The following CAGE1 variants were observed in gnomAD, a reference collection of about 807,000 sequenced individuals.
CAGE1 encodes the protein cancer antigen 1, also known as cancer-associated gene 1 protein.
Under a neutral mutation model 94.9 loss-of-function variants are expected in CAGE1, and 66 were observed. The observed-to-expected ratio is 0.70, with a 90% CI of 0.57 to 0.85. The LOEUF is 0.85. Among genes scored for constraint, CAGE1 ranks in the 40% least tolerant of loss-of-function variants. CAGE1 has a pLI of 0.00. For missense variants in CAGE1, 865 were observed against 950.4 expected, an observed-to-expected ratio of 0.91 and a Z score of 1.18; for synonymous variants, 319 against 321.0, an observed-to-expected ratio of 0.99 and a Z score of 0.07.
intron 11 of CAGE1, among the ~76,000 whole-genome samples, chr6:7,350,704 T>G (rs1450576478): frequency 6.6e-6 from 1 of 152,138 alleles, no homozygotes; most frequent in Non-Finnish European, 1.5e-5. Context: ...AAAAATCCTT[T>G]GAACTCAACT....
rs1164157758 is a variant in CAGE1 at position 7,389,341 on chromosome 6, A to G, written c.-163T>C. On this transcript the variant is annotated 5_prime_UTR_variant, in exon 1 of 14. Coordinates refer to ENST00000502583, the MANE Select transcript of CAGE1 (RefSeq NM_001170692.2). ...CGGACCTGGCTCTCCCTCCCTCTGCACCGGGTTTTGTGGGAGGGAGAACGC... is the reference window on the plus strand; with the variant it reads ...CGGACCTGGCTCTCCCTCCCTCTGCGCCGGGTTTTGTGGGAGGGAGAACGC... 2.2e-6 allele frequency: 1 copy of G among 456,102 alleles called. No homozygotes were observed. Among genetic ancestry groups the G allele is most frequent in the Non-Finnish European group, 4.4e-6 (1 of 226,904 alleles). 28.3% of individuals were successfully genotyped at this position (456,102 alleles called of 1,614,324 possible).
intron 7 of CAGE1, among the ~76,000 whole-genome samples, chr6:7,367,473 C>A (rs994729680): frequency 9.2e-5 from 14 of 151,974 alleles, no homozygotes; most frequent in Non-Finnish European, 2.1e-4. Flanking sequence ...CGGAGTTTCC[C>A]CATGTTTCCC....
At chr6:7,387,801 C>T (rs1254320015) in intron 1 of CAGE1, among the ~76,000 whole-genome samples, 1 of 148,030 alleles carries the variant, frequency 6.8e-6, no homozygotes, top group Non-Finnish European at 1.5e-5. Flanking sequence ...GGGCGGATCA[C>T]GAGGTCAGGA....
At chr6:7,348,684 G>A (rs556982237) in intron 11 of CAGE1, among the ~76,000 whole-genome samples, 9 of 151,836 alleles carry the variant, frequency 5.9e-5, no homozygotes, top group Non-Finnish European at 1.3e-4. Flanking sequence ...AGAAGTGAAG[G>A]GAGAAATATT....
In CAGE1 at chr6:7,373,714, A is replaced by T; in HGVS notation, c.1105T>A (p.Tyr369Asn). 1 of 1,612,586 alleles carries T rather than the reference A, an allele frequency of 6.2e-7. No individual in the cohort carries two copies. The highest frequency in any genetic ancestry group is 8.5e-7 in the Non-Finnish European group (1 of 1,179,002). Residue 369 changes from tyrosine to asparagine, a missense_variant, in exon 5 of 14, where the codon TAC becomes AAC. Coordinates refer to ENST00000502583, the MANE Select transcript of CAGE1 (RefSeq NM_001170692.2). ...ENVEELIEDKYKIILEKNDTK... is the reference protein window; with the variant it reads ...ENVEELIEDKNKIILEKNDTK... ...TCATTCTTCTCTAGGATTATTTTGT[A>T]TTTGTCTTCAATTAATTCTTCAACA...
intron 11 of CAGE1, among the ~76,000 whole-genome samples, chr6:7,353,534 C>G (rs1759852836): frequency 6.6e-6 from 1 of 152,002 alleles, no homozygotes; most frequent in African/African-American, 2.4e-5. Flanking sequence ...ATCCAGCAAC[C>G]CCAATACTGG....
Position 7,339,240 on chromosome 6 carries a change from A to C in CAGE1, c.2370-5150T>G, listed in dbSNP as rs779970015. Reference sequence around the variant, plus strand: ...GGCCCTCCGCACAGCAAGCCCTCCTAGGAGTTTGTAAGGCAGAGACTCTGC... The same window carrying C: ...GGCCCTCCGCACAGCAAGCCCTCCTCGGAGTTTGTAAGGCAGAGACTCTGC... On this transcript the variant is annotated intron_variant, in intron 11 of 13. Coordinates refer to ENST00000502583, the MANE Select transcript of CAGE1 (RefSeq NM_001170692.2). The surrounding 1 kb of genome is among the most constrained non-coding windows in gnomAD (Gnocchi z 4.7). The C allele has an allele frequency of 5.4e-5, 86 of 1,579,176 alleles. No homozygotes were observed. Among genetic ancestry groups the C allele is most frequent in the Non-Finnish European group, 7.0e-5 (81 of 1,149,744 alleles).
intron 11 of CAGE1, chr6:7,341,910 GATGTCCTCA>G (rs1434661490): frequency 1.3e-5 from 9 of 701,014 alleles, no homozygotes; most frequent in Non-Finnish European, 2.4e-5. Flanking sequence ...ACTGCAGCAA[GATGTCCTCA>G]ATGCCGTTCG....
Position 7,339,574 on chromosome 6 carries a change from C to T in CAGE1, c.2370-5484G>A, listed in dbSNP as rs1159264490. 3 of 753,052 alleles carry T rather than the reference C, an allele frequency of 4.0e-6. No homozygotes were observed. The highest frequency in any genetic ancestry group is 1.8e-5 in the Admixed American group (1 of 56,258). 46.6% of individuals were successfully genotyped at this position (753,052 alleles called of 1,614,324 possible). ...TTGGAAATTTGTAAGGCGATCTTGC[C>T]GCCATGCTCCGCTGAAAGGAAAGGC... On this transcript the variant is annotated intron_variant, in intron 11 of 13. Coordinates refer to ENST00000502583, the MANE Select transcript of CAGE1 (RefSeq NM_001170692.2). The surrounding 1 kb of genome is among the most constrained non-coding windows in gnomAD (Gnocchi z 4.7).
In CAGE1 at chr6:7,386,861, T is replaced by C. The variant is rs77921089; in HGVS notation, c.195+118A>G. 3,922 of 736,244 alleles carry C rather than the reference T, an allele frequency of 5.3e-3. 115 individuals carry two copies. In the African/African-American group the frequency reaches 0.056, roughly 11 times the overall value. 45.6% of individuals were successfully genotyped at this position (736,244 alleles called of 1,614,324 possible). On this transcript the variant is annotated intron_variant, in intron 2 of 13. Transcript: ENST00000502583. ...AACCAGACCCTGTATTCCCCTCCTT[T>C]ATGTGTCCACCGAATATTGTTTTAT...
chr6:7,345,129 ATAT>A (rs1561851633), intron 11 of CAGE1, among the ~76,000 whole-genome samples: 2 of 44,708 alleles, frequency 4.5e-5, no homozygotes, highest in Non-Finnish European at 8.7e-5. Flanking sequence ...CTTTAGATCC[ATAT>A]TGCTTTTAGG....
chr6:7,345,812 C>T (rs1759491589), intron 11 of CAGE1, among the ~76,000 whole-genome samples: 1 of 152,096 alleles, frequency 6.6e-6, no homozygotes. Context: ...ATAGTCCCAG[C>T]TACTTGGGAG....
At chr6:7,336,257 A>C (rs2113353402) in intron 11 of CAGE1, among the ~76,000 whole-genome samples, 1 of 152,378 alleles carries the variant, frequency 6.6e-6, no homozygotes, top group East Asian at 1.9e-4. Context: ...CAAGGAAAGA[A>C]AGTGAAAAGT....
chr6:7,345,235 A>AT (rs1377053053), intron 11 of CAGE1, among the ~76,000 whole-genome samples: 104 of 148,912 alleles, frequency 7.0e-4, no homozygotes, highest in African/African-American at 2.6e-3. Context: ...CCAGCCTACC[A>AT]AGAAGAAGGA....
At position 7,389,683 on chromosome 6, in the gene CAGE1, C is replaced by G. The variant is rs1761270069; in HGVS notation, c.-505G>C. 1 of 452,844 alleles carries G rather than the reference C, an allele frequency of 2.2e-6. No homozygotes were observed. The highest frequency in any genetic ancestry group is 4.1e-6 in the Non-Finnish European group (1 of 246,390). 28.1% of individuals were successfully genotyped at this position (452,844 alleles called of 1,614,324 possible). Reference sequence around the variant, plus strand: ...GCCTCGCCGTGCCGGCTACTCAACACGCCTTCCTGAGAGCACAGAACATCC... The same window carrying G: ...GCCTCGCCGTGCCGGCTACTCAACAGGCCTTCCTGAGAGCACAGAACATCC... On this transcript the variant is annotated 5_prime_UTR_variant, in exon 1 of 14. Coordinates refer to ENST00000502583, the MANE Select transcript of CAGE1 (RefSeq NM_001170692.2).
At chr6:7,386,257 G>C (rs1292006625) in intron 2 of CAGE1, among the ~76,000 whole-genome samples, 4 of 152,104 alleles carry the variant, frequency 2.6e-5, no homozygotes, top group Non-Finnish European at 5.9e-5. Flanking sequence ...TATAAAACAG[G>C]CATATATCTT....
Position 7,326,875 on chromosome 6 carries a change from T to C in CAGE1, c.2503A>G (p.Arg835Gly), listed in dbSNP as rs964102088. 15 of 1,581,576 alleles carry C rather than the reference T, an allele frequency of 9.5e-6. No individual in the cohort carries two copies. Among genetic ancestry groups the C allele is most frequent in the Admixed American group, 6.7e-5 (4 of 59,718 alleles). Residue 835 changes from arginine (R) to glycine (G), a missense_variant, in exon 14 of 14, where the codon AGA (arginine) becomes GGA (glycine). Transcript: ENST00000502583. The part of the protein sequence containing the change: ...TMMPALFKEN[R>G]NDLD ...AGGCTTGTTTAATCTAAATCATTTC[T>C]ATTTTCTTTAAAAAGAGCTGGCATC...
At position 7,373,095 on chromosome 6, in the gene CAGE1, A is replaced by G. The variant is rs760706865; in HGVS notation, c.1724T>C (p.Val575Ala). ...TACCTTGGTAATATCTGACTTCAAGACTTCCTCTAATTGATCCTTTAACTG... is the reference window on the plus strand; with the variant it reads ...TACCTTGGTAATATCTGACTTCAAGGCTTCCTCTAATTGATCCTTTAACTG... Reference protein sequence around the residue: ...TAQLKDQLEEVLKSDITKDTK... With the variant: ...TAQLKDQLEEALKSDITKDTK... Residue 575 changes from valine to alanine, a missense_variant, in exon 5 of 14, where the codon GTC becomes GCC. Val to Ala is a moderately conservative substitution (Grantham distance 64). Transcript: ENST00000502583. 4 of 1,605,546 alleles carry G rather than the reference A, an allele frequency of 2.5e-6. No homozygotes were observed. In the Admixed American group the frequency reaches 6.9e-5, roughly 28 times the overall value.
intron 11 of CAGE1, chr6:7,341,339 G>T: frequency 1.4e-6 from 1 of 704,902 alleles, no homozygotes; most frequent in Non-Finnish European, 2.6e-6. Flanking sequence ...TGGTGTCCCA[G>T]ATCACATGGG....
Sources: gnomAD v4.1 joint callset for allele counts (sites outside exome capture counted in the v4.1 genomes callset) on GRCh38, gnomAD v4.1.1 for gene constraint, Gnocchi (gnomAD v3.1) non-coding constraint, MANE v1.5 for transcripts, NCBI Gene and HGNC (gene_info 2026-07-23, HGNC 2026-07-21) for gene names.